The following SLC25A15 variants were observed in gnomAD, a reference collection of about 807,000 sequenced individuals.
The protein encoded by SLC25A15 is mitochondrial ornithine transporter 1.
A neutral mutation model predicts 32.3 loss-of-function variants in SLC25A15; 24 were observed. The ratio of observed to expected loss-of-function variants is 0.74; its 90% CI spans 0.54 to 1.04. SLC25A15 has a LOEUF of 1.04. SLC25A15 is among the 50% of genes least tolerant of loss of function. The pLI is 0.00. For synonymous variants in SLC25A15, 132 were observed against 142.1 expected, an observed-to-expected ratio of 0.93 and a Z score of 0.51; for missense variants, 317 against 374.5, an observed-to-expected ratio of 0.85 and a Z score of 1.27.
chr13:40,799,377 A>G, intron 3 of SLC25A15, 62 bp downstream of exon 3: 1 of 1,598,268 alleles, frequency 6.3e-7, no homozygotes, highest in Non-Finnish European at 8.6e-7. Context: ...CTGGCAAGAC[A>G]TGGTGGCTCA....
At chr13:40,789,897 G>C (rs1358076805) in intron 1 of SLC25A15, among the ~76,000 whole-genome samples, 1 of 152,186 alleles carries the variant, frequency 6.6e-6, no homozygotes. Context: ...TTGCCCCCAA[G>C]TCCTGTCATT....
intron 1 of SLC25A15, among the ~76,000 whole-genome samples, chr13:40,792,792 G>T (rs1386760099): frequency 6.6e-6 from 1 of 152,164 alleles, no homozygotes; most frequent in Non-Finnish European, 1.5e-5. Context: ...ACAGGCTGCT[G>T]TCTGAATTTA....
chr13:40,791,445 C>T (rs146877489), intron 1 of SLC25A15, among the ~76,000 whole-genome samples: 2,366 of 151,598 alleles, frequency 0.016, 69 homozygotes, highest in African/African-American at 0.054. Context: ...GCAACCTCCA[C>T]CTCCCGGGTT....
intron 2 of SLC25A15, chr13:40,798,825 T>G (rs987719565): frequency 1.0e-6 from 1 of 985,392 alleles, no homozygotes; most frequent in African/African-American, 1.7e-5. Context: ...TGAACACATG[T>G]CTGTCTCTCT....
At chr13:40,793,916 T>C (rs1881589642) in intron 2 of SLC25A15, among the ~76,000 whole-genome samples, 1 of 152,258 alleles carries the variant, frequency 6.6e-6, no homozygotes, top group African/African-American at 2.4e-5. Flanking sequence ...ATGCAGGTGA[T>C]GTGGTTCTTC....
Position 40,810,331 on chromosome 13 carries a change from T to C in SLC25A15, c.*664T>C, listed in dbSNP as rs1396533143. On this transcript the variant is annotated 3_prime_UTR_variant, in exon 7 of 7. Coordinates refer to ENST00000338625, the MANE Select transcript of SLC25A15 (RefSeq NM_014252.4). Reference sequence around the variant, plus strand: ...GCGCCACCATGTCCAGCTAATTTTTTTTGGTATTTTTTGTAGAGACGAGGT... The same window carrying C: ...GCGCCACCATGTCCAGCTAATTTTTCTTGGTATTTTTTGTAGAGACGAGGT... 6.6e-6 allele frequency among the ~76,000 whole-genome samples: 1 copy of C among 152,020 alleles called. No homozygotes were observed. Among genetic ancestry groups the C allele is most frequent in the Admixed American group, 6.6e-5 (1 of 15,262 alleles).
intron 2 of SLC25A15, chr13:40,798,800 A>G: frequency 4.1e-6 from 4 of 984,722 alleles, no homozygotes; most frequent in Non-Finnish European, 4.8e-6. Flanking sequence ...TATTCACTGC[A>G]CTGTTTGCCG....
In SLC25A15 at chr13:40,805,101, T is replaced by A. The variant is rs763260189; in HGVS notation, c.315-17T>A. 2.5e-6 allele frequency: 4 copies of A among 1,613,920 alleles called. No homozygotes were observed. The highest frequency in any genetic ancestry group is 2.5e-6 in the Non-Finnish European group (3 of 1,179,880). On this transcript the variant is annotated splice_polypyrimidine_tract_variant and intron_variant, in intron 3 of 6. Coordinates refer to ENST00000338625, the MANE Select transcript of SLC25A15 (RefSeq NM_014252.4). ...ATGAAGAAACTGAGGGGTAACTGTCTGCTTGTGTGCTTTCAGTGATCTGCA... is the reference window on the plus strand; with the variant it reads ...ATGAAGAAACTGAGGGGTAACTGTCAGCTTGTGTGCTTTCAGTGATCTGCA...
intron 5 of SLC25A15, 83 bp downstream of exon 5, chr13:40,807,546 T>C: frequency 4.8e-6 from 7 of 1,446,986 alleles, no homozygotes; most frequent in Non-Finnish European, 6.8e-6. Flanking sequence ...CTCTGCCCTT[T>C]GTGCTCTCCT....
intron 3 of SLC25A15, among the ~76,000 whole-genome samples, chr13:40,800,702 C>G (rs1467025242): frequency 6.6e-6 from 1 of 152,154 alleles, no homozygotes; most frequent in East Asian, 1.9e-4. Context: ...CTGCCCGCCC[C>G]TCCACTTTCT....
chr13:40,806,105 C>G (rs1037120475), intron 4 of SLC25A15, among the ~76,000 whole-genome samples: 2 of 152,210 alleles, frequency 1.3e-5, no homozygotes, highest in African/African-American at 2.4e-5. Context: ...CCTTGAGATT[C>G]ATTACAGCCA....
At chr13:40,791,810 C>T (rs969719960) in intron 1 of SLC25A15, among the ~76,000 whole-genome samples, 3 of 152,100 alleles carry the variant, frequency 2.0e-5, no homozygotes, top group African/African-American at 7.2e-5. Flanking sequence ...GCCGTTGTTG[C>T]CACTGGTTTT....
chr13:40,804,441 C>CT (rs1555262662), intron 3 of SLC25A15, among the ~76,000 whole-genome samples: 1 of 152,182 alleles, frequency 6.6e-6, no homozygotes, highest in Non-Finnish European at 1.5e-5. Context: ...TATGTCATCT[C>CT]TAAGTGTCAC....
chr13:40,810,709 A>C lies in SLC25A15; in HGVS notation c.*1042A>C. 1 of 532,962 alleles carries C rather than the reference A, an allele frequency of 1.9e-6. No homozygotes were observed. Among genetic ancestry groups the C allele is most frequent in the Non-Finnish European group, 3.9e-6 (1 of 259,590 alleles). The allele number at this position is 532,962 out of a possible 1,614,324, so 33.0% of individuals were successfully genotyped here. On this transcript the variant is annotated 3_prime_UTR_variant, in exon 7 of 7. Coordinates refer to ENST00000338625, the MANE Select transcript of SLC25A15 (RefSeq NM_014252.4). ...GCCCAGAGGGTCAGGCCTTTGGGAA[A>C]TAGCATGGCCTTTACCAGCTTCCCT...
At chr13:40,790,833 C>T (rs537170974) in intron 1 of SLC25A15, among the ~76,000 whole-genome samples, 4 of 152,272 alleles carry the variant, frequency 2.6e-5, no homozygotes, top group South Asian at 2.1e-4. Flanking sequence ...GTGATCCGCC[C>T]GCCTTGGCCT....
intron 1 of SLC25A15, among the ~76,000 whole-genome samples, chr13:40,791,696 C>T (rs189583582): frequency 2.4e-4 from 37 of 152,236 alleles, no homozygotes; most frequent in African/African-American, 7.7e-4. Context: ...ACCAGATGGC[C>T]ACCACCTTTT....
chr13:40,807,221 G>T, intron 4 of SLC25A15, 73 bp from the exon 5 acceptor site: 2 of 1,363,156 alleles, frequency 1.5e-6, no homozygotes, highest in Non-Finnish European at 1.1e-6. Flanking sequence ...TCTGTTAATT[G>T]GTTGCAAATG....
rs1882453092 is a variant in SLC25A15 at position 40,811,531 on chromosome 13, A to G, written c.*1864A>G. ...AAAAGCAATTGTACTTCACTATGCC[A>G]TATGTATGTATTCACTGACCAAAAA... On this transcript the variant is annotated 3_prime_UTR_variant, in exon 7 of 7. Transcript: ENST00000338625. Among the ~76,000 whole-genome samples, 1 of 152,078 alleles carries G rather than the reference A, an allele frequency of 6.6e-6. No homozygotes were observed. Among genetic ancestry groups the G allele is most frequent in the South Asian group, 2.1e-4 (1 of 4,826 alleles).
chr13:40,796,727 T>C (rs1412823548), intron 2 of SLC25A15, among the ~76,000 whole-genome samples: 1 of 152,002 alleles, frequency 6.6e-6, no homozygotes, highest in African/African-American at 2.4e-5. Context: ...AGTCTGCTTC[T>C]CTCTCCTCAC....
Sources: gnomAD v4.1 joint callset for allele counts (sites outside exome capture counted in the v4.1 genomes callset) on GRCh38, gnomAD v4.1.1 for gene constraint, MANE v1.5 for transcripts, NCBI Gene and HGNC (gene_info 2026-07-23, HGNC 2026-07-21) for gene names.